ITGAX: variants seen among roughly 807,000 people sequenced by gnomAD.
The protein encoded by ITGAX is integrin subunit alpha X, also known as integrin alpha-X.
ITGAX carries 99 observed loss-of-function variants against 140.2 expected under a neutral mutation model. The ratio of observed to expected loss-of-function variants is 0.71; its 90% CI spans 0.60 to 0.83. ITGAX has a LOEUF of 0.83. Among genes scored for constraint, ITGAX ranks in the 40% least tolerant of loss-of-function variants. ITGAX has a pLI of 0.00. For missense variants in ITGAX, 1,444 were observed against 1,482.0 expected (o/e 0.97, Z 0.42); for synonymous variants, 631 against 600.4 (o/e 1.05, Z -0.75).
rs777488641 is a variant in ITGAX at position 31,371,298 on chromosome 16, C to A, written c.1842-36C>A. 4 of 1,610,626 alleles carry A rather than the reference C, an allele frequency of 2.5e-6. No individual in the cohort carries two copies. In the African/African-American group the frequency reaches 5.3e-5, roughly 21 times the overall value. ...CACCCCACGTGGTGCTCCCAGGAGCCGACGGCCTGTCCTCAGCTCGGTGCT... is the reference window on the plus strand; with the variant it reads ...CACCCCACGTGGTGCTCCCAGGAGCAGACGGCCTGTCCTCAGCTCGGTGCT... On this transcript the variant is annotated intron_variant, in intron 15 of 29. Coordinates refer to ENST00000268296, the MANE Select transcript of ITGAX (RefSeq NM_000887.5).
chr16:31,379,434 C>T, intron 23 of ITGAX, 134 bp from the exon 24 acceptor site: 1 of 844,200 alleles, frequency 1.2e-6, no homozygotes, highest in South Asian at 1.7e-5. Context: ...TCTCTTATAA[C>T]CTAACTCAGC....
chr16:31,360,282 G>A (rs747243356), intron 7 of ITGAX, 28 bp from the exon 8 acceptor site: 7 of 1,580,896 alleles, frequency 4.4e-6, no homozygotes, highest in Non-Finnish European at 6.0e-6. Context: ...TGGTTCACAG[G>A]CCTCTAAGAC....
chr16:31,377,148 G>T (rs777211733), intron 22 of ITGAX, 34 bp from the exon 23 acceptor site: 2 of 1,612,302 alleles, frequency 1.2e-6, no homozygotes, highest in South Asian at 2.2e-5. Flanking sequence ...CTCCTCTGGG[G>T]CCTCTGGCAA....
chr16:31,360,522 T>G, intron 8 of ITGAX, 59 bp downstream of exon 8: 1 of 1,462,816 alleles, frequency 6.8e-7, no homozygotes, highest in Non-Finnish European at 9.3e-7. Flanking sequence ...CAACTCCCCT[T>G]TCTGTGTATG....
In ITGAX at chr16:31,371,190, C is replaced by T; in HGVS notation, c.1817C>T (p.Ala606Val). The T allele has an allele frequency of 3.1e-6, 5 of 1,610,646 alleles. No individual in the cohort carries two copies. The highest frequency in any genetic ancestry group is 1.7e-4 in the Middle Eastern group (1 of 6,028). The stretch of plus-strand genomic sequence containing the variant: ...GGACTGGTGGACCTGGCTGTGGGGG[C>T]CCGGGGCCAGGTGCTCCTGCTCAGG... The part of the protein sequence containing the change: ...QDGLVDLAVG[A>V]RGQVLLLRTR... The change falls in exon 15 of 30, where the codon GCC becomes GTC. Residue 606 changes from alanine to valine, a missense_variant. Ala to Val is a moderately conservative substitution (Grantham distance 64, BLOSUM62 0). Transcript: ENST00000268296.
chr16:31,368,497 CAAAAA>C (rs34411912), intron 14 of ITGAX, among the ~76,000 whole-genome samples: 1 of 125,446 alleles, frequency 8.0e-6, no homozygotes, highest in Non-Finnish European at 1.6e-5. Context: ...AAGTGTGTCT[CAAAAA>C]AAAAAAAAAA....
At chr16:31,372,769 A>T in intron 19 of ITGAX, 99 bp downstream of exon 19, 1 of 1,199,268 alleles carries the variant, frequency 8.3e-7, no homozygotes, top group South Asian at 1.3e-5. Flanking sequence ...CTCATCCTAT[A>T]GTCAAAACCC....
chr16:31,363,244 T>A lies in ITGAX; in HGVS notation c.1580T>A (p.Val527Glu). The A allele has an allele frequency of 6.2e-7, 1 of 1,613,664 alleles. No homozygotes were observed. The highest frequency in any genetic ancestry group is 8.5e-7 in the Non-Finnish European group (1 of 1,179,824). Residue 527 changes from valine (V) to glutamate (E), a missense_variant, in exon 14 of 30, where the codon GTG becomes GAG. Val to Glu is a moderately radical substitution (Grantham distance 121). Coordinates refer to ENST00000268296, the MANE Select transcript of ITGAX (RefSeq NM_000887.5). ...PWGRFGAALT[V>E]LGDVNGDKLT... ...GGTCGCTTTGGGGCGGCTCTGACAG[T>A]GCTGGGGGATGTGAATGGGGACAAG... is the stretch of plus-strand genomic sequence containing the variant.
chr16:31,370,977 C>T lies in ITGAX; in HGVS notation c.1711-107C>T, dbSNP rs535445875. ...TTGGTGACATCTGTTCACAACTCAC[C>T]CCTTCTCTCCCTTTCCGATGGTCCT... On this transcript the variant is annotated intron_variant, in intron 14 of 29. Transcript: ENST00000268296. 52 of 1,407,302 alleles carry T rather than the reference C, an allele frequency of 3.7e-5. No individual in the cohort carries two copies. In the South Asian group the frequency reaches 6.2e-4, roughly 17 times the overall value. The allele number at this position is 1,407,302 out of a possible 1,614,324, so 87.2% of individuals were successfully genotyped here. A position where few individuals can be genotyped will look rare whatever the true frequency, so the allele number is the denominator to read the frequency against.
Position 31,357,077 on chromosome 16 carries a change from T to C in ITGAX, c.294T>C (p.Ser98=). The C allele has an allele frequency of 1.9e-6, 3 of 1,609,926 alleles. No homozygotes were observed. Among genetic ancestry groups the C allele is most frequent in the Non-Finnish European group, 1.7e-6 (2 of 1,179,458 alleles). Residue 98 remains serine, a synonymous_variant, in exon 4 of 30, where the codon TCT becomes TCC. Transcript: ENST00000268296. ...VNMSLGLSLA[S]TTSPSQLLAC... ...TGTCCCTGGGCCTGTCCCTGGCGTC[T>C]ACCACCAGCCCTTCCCAGCTGCTGG...
At chr16:31,372,138 A>G (rs897793448) in intron 17 of ITGAX, among the ~76,000 whole-genome samples, 1 of 151,410 alleles carries the variant, frequency 6.6e-6, no homozygotes, top group East Asian at 1.9e-4. Context: ...ATAGGTGGCC[A>G]AAACAGTCAT....
intron 14 of ITGAX, among the ~76,000 whole-genome samples, chr16:31,370,654 T>C (rs562792744): frequency 6.6e-6 from 1 of 152,296 alleles, no homozygotes; most frequent in South Asian, 2.1e-4. Context: ...TGTGATATAT[T>C]ATTGACTGCT....
intron 17 of ITGAX, 38 bp downstream of exon 17, chr16:31,371,822 G>A: frequency 1.9e-6 from 3 of 1,605,338 alleles, no homozygotes; most frequent in Non-Finnish European, 2.6e-6. Context: ...GGCCGCGCTG[G>A]GGCTGGCAGA....
At chr16:31,376,244 A>G (rs1039572761) in intron 20 of ITGAX, among the ~76,000 whole-genome samples, 1 of 152,216 alleles carries the variant, frequency 6.6e-6, no homozygotes, top group African/African-American at 2.4e-5. Context: ...TTAAAATAAC[A>G]ATAAAAAGGT....
In ITGAX at chr16:31,362,746, G is replaced by T; in HGVS notation, c.1352G>T (p.Gly451Val). The T allele has an allele frequency of 6.2e-7, 1 of 1,613,864 alleles. No individual in the cohort carries two copies. Among genetic ancestry groups the T allele is most frequent in the Non-Finnish European group, 8.5e-7 (1 of 1,179,848 alleles). The change falls in exon 12 of 30, where the codon GGG (glycine) becomes GTG (valine). Residue 451 changes from glycine to valine, a missense_variant. Transcript: ENST00000268296. ...RQWRMKAEVT[G>V]TQIGSYFGAS... ...TGGAGGATGAAGGCCGAAGTCACGG[G>T]GACTCAGGTTGGGCGTGACAGGAGC...
chr16:31,365,457 A>G (rs2080883291), intron 14 of ITGAX, among the ~76,000 whole-genome samples: 1 of 152,216 alleles, frequency 6.6e-6, no homozygotes, highest in South Asian at 2.1e-4. Context: ...GTGATCTTTG[A>G]CAGGTAACTC....
chr16:31,356,322 G>T lies in ITGAX; in HGVS notation c.144-303G>T, dbSNP rs530067125. ...ACATTTAAAAATATATAGAGACAGGGTCTCACTATGTTGCCTGGGTTGGTC... is the reference window on the plus strand; with the variant it reads ...ACATTTAAAAATATATAGAGACAGGTTCTCACTATGTTGCCTGGGTTGGTC... On this transcript the variant is annotated intron_variant, in intron 2 of 29. Transcript: ENST00000268296. 5.2e-4 allele frequency: 221 copies of T among 428,132 alleles called. 1 individual carries two copies. The highest frequency in any genetic ancestry group is 7.9e-4 in the South Asian group (23 of 29,090). The allele number at this position is 428,132 out of a possible 1,614,324, so 26.5% of individuals were successfully genotyped here. A position where few individuals can be genotyped will look rare whatever the true frequency, so the allele number is the denominator to read the frequency against.
At chr16:31,370,957 G>T in intron 14 of ITGAX, 127 bp from the exon 15 acceptor site, 1 of 1,150,236 alleles carries the variant, frequency 8.7e-7, no homozygotes, top group Non-Finnish European at 1.3e-6. Context: ...TCTTCTTGGT[G>T]ACATCTGTTC....
rs757323965 is a variant in ITGAX at position 31,361,047 on chromosome 16, T to C, written c.862-16T>C. ...TGATTTATTATTTTTACTGAGTTGA[T>C]CTTTTCTGGGGACAGGTTGGATTAG... On this transcript the variant is annotated splice_polypyrimidine_tract_variant and intron_variant, in intron 8 of 29. Coordinates refer to ENST00000268296, the MANE Select transcript of ITGAX (RefSeq NM_000887.5). 1 of 1,609,906 alleles carries C rather than the reference T, an allele frequency of 6.2e-7. No homozygotes were observed. The highest frequency in any genetic ancestry group is 8.5e-7 in the Non-Finnish European group (1 of 1,178,946).
Sources: allele counts gnomAD v4.1 joint callset (sites outside exome capture counted in the v4.1 genomes callset), GRCh38; gene constraint gnomAD v4.1.1; transcripts MANE v1.5; gene names NCBI Gene and HGNC (gene_info 2026-07-23, HGNC 2026-07-21).